TMC1: variants seen among roughly 807,000 people sequenced by gnomAD.
The protein encoded by TMC1 is transmembrane channel like 1.
A neutral mutation model predicts 105.8 loss-of-function variants in TMC1; 84 were observed. The ratio of observed to expected loss-of-function variants is 0.79; its 90% CI spans 0.67 to 0.95. The LOEUF is 0.95. Ranked by LOEUF, TMC1 falls within the 40% of genes least tolerant of loss-of-function variation. The probability of loss-of-function intolerance (pLI) is 0.00; values close to 1 mark genes in which losing one functional copy is unlikely to be tolerated. For synonymous variants in TMC1, 315 were observed against 311.5 expected (o/e 1.01, Z -0.12); for missense variants, 817 against 914.1 (o/e 0.89, Z 1.37).
At chr9:72,792,998 G>A (rs1258072827) in intron 17 of TMC1, among the ~76,000 whole-genome samples, 2 of 152,044 alleles carry the variant, frequency 1.3e-5, no homozygotes, top group Non-Finnish European at 2.9e-5. Flanking sequence ...GTGAATGCAC[G>A]ACCTTGGGAA....
At position 72,530,822 on chromosome 9, in the gene TMC1, AT is replaced by A. The variant is rs35627708; in HGVS notation, c.-428+8925del. Among the ~76,000 whole-genome samples the A allele has an allele frequency of 7.7e-3, 1,032 of 133,724 alleles. 8 individuals are homozygous for A. Among genetic ancestry groups the A allele is most frequent in the African/African-American group, 0.024 (870 of 36,470 alleles). The allele number at this position is 133,724 out of a possible 152,430, so 87.7% of individuals were successfully genotyped here. On this transcript the variant is annotated intron_variant, in intron 1 of 23. Coordinates refer to ENST00000297784, the MANE Select transcript of TMC1 (RefSeq NM_138691.3). ...AATTTGCCACTTGTTTTCTGCCATG[AT>A]TTTTTTTTTTTTTTTGAGGTGGAGT...
At chr9:72,810,475 A>G (rs1198083322) in intron 18 of TMC1, among the ~76,000 whole-genome samples, 2 of 152,240 alleles carry the variant, frequency 1.3e-5, no homozygotes, top group African/African-American at 4.8e-5. Flanking sequence ...AGTAAAAATC[A>G]TAGGTAATCT....
intron 2 of TMC1, among the ~76,000 whole-genome samples, chr9:72,602,687 AT>A (rs1209250530): frequency 6.6e-6 from 1 of 152,086 alleles, no homozygotes; most frequent in Non-Finnish European, 1.5e-5. Context: ...TTATTGGTGT[AT>A]TTTTATTTCC....
chr9:72,548,971 T>C (rs558927779), intron 1 of TMC1, among the ~76,000 whole-genome samples: 1 of 152,362 alleles, frequency 6.6e-6, no homozygotes, highest in South Asian at 2.1e-4. Context: ...TATCCACCTA[T>C]ATTTCTAACG....
chr9:72,780,775 C>T (rs1828083781), intron 13 of TMC1, among the ~76,000 whole-genome samples: 1 of 152,122 alleles, frequency 6.6e-6, no homozygotes, highest in Non-Finnish European at 1.5e-5. Flanking sequence ...ACTTAACTGT[C>T]CTAAATGTAT....
intron 4 of TMC1, among the ~76,000 whole-genome samples, chr9:72,630,500 AGG>A (rs1362921547): frequency 3.3e-5 from 5 of 152,212 alleles, no homozygotes; most frequent in African/African-American, 1.2e-4. Context: ...TATTTACTGC[AGG>A]GTTTCTTCAA....
intron 1 of TMC1, among the ~76,000 whole-genome samples, chr9:72,555,605 G>T (rs554755128): frequency 2.6e-5 from 4 of 151,954 alleles, no homozygotes; most frequent in African/African-American, 7.2e-5. Flanking sequence ...GCTTCCTTGG[G>T]TCCTTTTGCC....
At chr9:72,835,912 C>CTTTTTT in intron 23 of TMC1, 39 bp from the exon 24 acceptor site, 1 of 1,436,368 alleles carries the variant, frequency 7.0e-7, no homozygotes, top group East Asian at 2.3e-5. Context: ...TCTCTCTCTC[C>CTTTTTT]TTGTTTTTTT....
intron 1 of TMC1, among the ~76,000 whole-genome samples, chr9:72,552,150 C>T (rs1194300132): frequency 1.3e-5 from 2 of 152,100 alleles, no homozygotes; most frequent in African/African-American, 4.8e-5. Context: ...GAGGAAGGGT[C>T]CTGGTCCATA....
intron 14 of TMC1, 151 bp from the exon 15 acceptor site, chr9:72,788,972 C>G (rs1336626490): frequency 1.3e-6 from 1 of 769,856 alleles, no homozygotes; most frequent in African/African-American, 1.7e-5. Context: ...CAATATTCAC[C>G]TGGTTTGTGG....
At chr9:72,670,872 G>A (rs1015696063) in intron 5 of TMC1, among the ~76,000 whole-genome samples, 6 of 152,114 alleles carry the variant, frequency 3.9e-5, no homozygotes, top group Non-Finnish European at 5.9e-5. Context: ...GAAACATACT[G>A]GTATAAGGTT....
chr9:72,566,968 A>G (rs989061886), intron 1 of TMC1, among the ~76,000 whole-genome samples: 4 of 152,002 alleles, frequency 2.6e-5, no homozygotes, highest in Non-Finnish European at 2.9e-5. Flanking sequence ...CCCAATCTCA[A>G]CCCCTTTAGT....
At chr9:72,714,857 C>T (rs761213211) in intron 8 of TMC1, among the ~76,000 whole-genome samples, 18 of 152,116 alleles carry the variant, frequency 1.2e-4, no homozygotes, top group East Asian at 3.9e-4. Context: ...TTCTTCATAG[C>T]GTTGATGGTC....
chr9:72,631,205 T>C (rs78652387), intron 4 of TMC1, among the ~76,000 whole-genome samples: 1 of 152,354 alleles, frequency 6.6e-6, no homozygotes, highest in African/African-American at 2.4e-5. Flanking sequence ...ATGATGTTTT[T>C]AACTTTAAAA....
chr9:72,825,956 A>G (rs1355719141), intron 20 of TMC1, among the ~76,000 whole-genome samples: 1 of 152,160 alleles, frequency 6.6e-6, no homozygotes, highest in Non-Finnish European at 1.5e-5. Context: ...GAAAAAAACC[A>G]TAATCTGGGA....
chr9:72,643,741 T>C (rs1825665005), intron 4 of TMC1, among the ~76,000 whole-genome samples: 1 of 152,208 alleles, frequency 6.6e-6, no homozygotes, highest in Admixed American at 6.5e-5. Flanking sequence ...CAAAGATTCA[T>C]GTGGAAGTCT....
intron 5 of TMC1, among the ~76,000 whole-genome samples, chr9:72,683,485 G>A (rs1459697509): frequency 6.6e-6 from 1 of 151,050 alleles, no homozygotes; most frequent in African/African-American, 2.4e-5. Flanking sequence ...TACACAGTGT[G>A]TATTCATAAG....
chr9:72,567,229 T>C (rs1824174818), intron 1 of TMC1, among the ~76,000 whole-genome samples: 1 of 152,212 alleles, frequency 6.6e-6, no homozygotes, highest in Non-Finnish European at 1.5e-5. Flanking sequence ...ACCTGATCAT[T>C]GGATCATGGT....
Position 72,816,176 on chromosome 9 carries a change from G to A in TMC1, c.1729G>A (p.Val577Ile). The change falls in exon 19 of 24, where the codon GTC becomes ATC. Residue 577 changes from valine to isoleucine, a missense_variant. Coordinates refer to ENST00000297784, the MANE Select transcript of TMC1 (RefSeq NM_138691.3). ...CACCGAATTCGACATCAGTGGCAAC[G>A]TCCTCGCTCTGATCTTCAACCAAGG... ...SYTEFDISGNVLALIFNQGMI... is the reference protein window; with the variant it reads ...SYTEFDISGNILALIFNQGMI... The A allele has an allele frequency of 3.1e-6, 5 of 1,613,540 alleles. No homozygotes were observed. The South Asian group carries it at 4.4e-5, about 14-fold the overall frequency.
Sources: gnomAD v4.1 joint callset for allele counts (sites outside exome capture counted in the v4.1 genomes callset) on GRCh38, gnomAD v4.1.1 for gene constraint, MANE v1.5 for transcripts, NCBI Gene and HGNC (gene_info 2026-07-23, HGNC 2026-07-21) for gene names.